HEBP2: variants seen among roughly 807,000 people sequenced by gnomAD.
The protein encoded by HEBP2 is heme binding protein 2, also known as heme-binding protein 2.
Under a neutral mutation model 23.1 loss-of-function variants are expected in HEBP2, and 27 were observed. That is an observed-to-expected ratio of 1.17 (90% CI 0.86 to 1.61). The LOEUF (loss-of-function observed/expected upper bound fraction) is 1.61, where lower values mean the gene tolerates loss of function less well. Ranked by LOEUF, HEBP2 falls within the 40% of genes most tolerant of loss-of-function variation. The pLI is 0.00. For synonymous variants in HEBP2, 99 were observed against 95.1 expected, an observed-to-expected ratio of 1.04 and a Z score of -0.24; for missense variants, 245 against 253.8, an observed-to-expected ratio of 0.97 and a Z score of 0.24.
upstream of HEBP2, chr6:138,404,138 C>T (rs1774586994): frequency 4.4e-6 from 1 of 228,320 alleles, no homozygotes; most frequent in Non-Finnish European, 8.4e-6. Context: ...CGCGGGGCCA[C>T]CTGTGTGTGC....
intron 3 of HEBP2, among the ~76,000 whole-genome samples, chr6:138,410,204 A>G (rs547109991): frequency 5.3e-5 from 8 of 152,312 alleles, no homozygotes; most frequent in Non-Finnish European, 1.2e-4. Flanking sequence ...GCATGTTACT[A>G]TGTCCATATA....
rs1774802988 is a variant in HEBP2 at position 138,414,206 on chromosome 6, A to G, written c.*1128A>G. On this transcript the variant is annotated 3_prime_UTR_variant, in exon 4 of 4. Transcript: ENST00000607197. ...GCCACGTTCAGTACCCAGAACAAAAAGCTGCACACACTGCTTGCTGAGCAA... is the reference window on the plus strand; with the variant it reads ...GCCACGTTCAGTACCCAGAACAAAAGGCTGCACACACTGCTTGCTGAGCAA... 6.6e-6 allele frequency: 1 copy of G among 152,280 alleles called. No homozygotes were observed. Among genetic ancestry groups the G allele is most frequent in the Non-Finnish European group, 1.5e-5 (1 of 68,100 alleles). The allele number at this position is 152,280 out of a possible 1,614,324, so 9.4% of individuals were successfully genotyped here. A position where few individuals can be genotyped will look rare whatever the true frequency, so the allele number is the denominator to read the frequency against.
rs967696485 is a variant in HEBP2, at chr6:138,419,430, T to G, written c.*6352T>G. The G allele has an allele frequency of 1.3e-5, 2 of 152,098 alleles. No individual in the cohort carries two copies. Among genetic ancestry groups the G allele is most frequent in the African/African-American group, 2.4e-5 (1 of 41,406 alleles). 9.4% of individuals were successfully genotyped at this position (152,098 alleles called of 1,614,324 possible). On this transcript the variant is annotated 3_prime_UTR_variant, in exon 4 of 4. Coordinates refer to ENST00000607197, the MANE Select transcript of HEBP2 (RefSeq NM_014320.3). ...CGGGCCTACAGGGTCCTGAACACAA[T>G]CTAAGGACTTACAAAACATCTGAAC... is the stretch of plus-strand genomic sequence containing the variant.
At position 138,413,289 on chromosome 6, in the gene HEBP2, C is replaced by G. The variant is rs922850156; in HGVS notation, c.*211C>G. 2.4e-5 allele frequency: 12 copies of G among 492,254 alleles called. No homozygotes were observed. The highest frequency in any genetic ancestry group is 2.3e-4 in the African/African-American group (12 of 51,678). 30.5% of individuals were successfully genotyped at this position (492,254 alleles called of 1,614,324 possible). A position where few individuals can be genotyped will look rare whatever the true frequency, so the allele number is the denominator to read the frequency against. ...GTAGTCTGTAAACATATAAATCGGT[C>G]ATAACTATCGTGGTCTTTATTTCTG... On this transcript the variant is annotated 3_prime_UTR_variant, in exon 4 of 4. Transcript: ENST00000607197.
At position 138,412,782 on chromosome 6, in the gene HEBP2, C is replaced by G. The variant is rs563246409; in HGVS notation, c.420-98C>G. 7 of 999,056 alleles carry G rather than the reference C, an allele frequency of 7.0e-6. No individual in the cohort carries two copies. In the South Asian group the frequency reaches 8.8e-5, roughly 13 times the overall value. The allele number at this position is 999,056 out of a possible 1,614,324, so 61.9% of individuals were successfully genotyped here. On this transcript the variant is annotated intron_variant, in intron 3 of 3. Coordinates refer to ENST00000607197, the MANE Select transcript of HEBP2 (RefSeq NM_014320.3). ...AGGGAGTAACTTTGGAGCTGCACTT[C>G]ACTCAGCATTCACGGTACTAGCGCC...
Position 138,405,190 on chromosome 6 carries a change from A to C in HEBP2, c.148A>C (p.Ser50Arg). The C allele has an allele frequency of 1.9e-6, 3 of 1,614,184 alleles. No homozygotes were observed. Among genetic ancestry groups the C allele is most frequent in the South Asian group, 2.2e-5 (2 of 91,074 alleles). Residue 50 changes from serine to arginine, a missense_variant, in exon 2 of 4, where the codon AGC (serine) becomes CGC (arginine). By Grantham distance (110) the Ser-to-Arg change is moderately radical. Coordinates refer to ENST00000607197, the MANE Select transcript of HEBP2 (RefSeq NM_014320.3). ...ACACTATGGACCAGCCAAGTGGGTC[A>C]GCACGTCCGTGGAGTCTATGGACTG... ...IRHYGPAKWV[S>R]TSVESMDWDS...
Position 138,404,583 on chromosome 6 carries a change from G to T in HEBP2, c.88G>T (p.Asp30Tyr). The T allele has an allele frequency of 7.7e-7, 1 of 1,298,130 alleles. No homozygotes were observed. Among genetic ancestry groups the T allele is most frequent in the African/African-American group, 1.5e-5 (1 of 64,748 alleles). The allele number at this position is 1,298,130 out of a possible 1,614,324, so 80.4% of individuals were successfully genotyped here. The change falls in exon 1 of 4, where the codon GAC becomes TAC. Residue 30 changes from aspartate (D) to tyrosine (Y), a missense_variant. By Grantham distance (160) the Asp-to-Tyr change is radical. Coordinates refer to ENST00000607197, the MANE Select transcript of HEBP2 (RefSeq NM_014320.3). ...GACGCCGGGCTGGAAGGCCCCGGAG[G>T]ACGCCGGCCCCCAGGTAGGCGCCGA... ...VETPGWKAPEDAGPQPGSYEI... is the reference protein window; with the variant it reads ...VETPGWKAPEYAGPQPGSYEI...
rs760317955 is a variant in HEBP2 at position 138,421,703 on chromosome 6, G to A, written c.*8625G>A. ...GTGCCATGTTTCAGGGATGAGTCTCGATTCTTCTCTCCCTGTATTTCATCC... is the reference window on the plus strand; with the variant it reads ...GTGCCATGTTTCAGGGATGAGTCTCAATTCTTCTCTCCCTGTATTTCATCC... On this transcript the variant is annotated 3_prime_UTR_variant, in exon 4 of 4. Coordinates refer to ENST00000607197, the MANE Select transcript of HEBP2 (RefSeq NM_014320.3). 2.6e-5 allele frequency: 4 copies of A among 152,114 alleles called. No homozygotes were observed. The South Asian group carries it at 6.2e-4, about 24-fold the overall frequency. 9.4% of individuals were successfully genotyped at this position (152,114 alleles called of 1,614,324 possible).
intron 3 of HEBP2, among the ~76,000 whole-genome samples, chr6:138,411,399 A>G (rs1045703581): frequency 7.9e-5 from 12 of 152,180 alleles, no homozygotes; most frequent in African/African-American, 2.7e-4. Flanking sequence ...TTTCAGCTCA[A>G]CATCCTTGGA....
chr6:138,412,896 T>C lies in HEBP2; in HGVS notation c.436T>C (p.Ser146Pro). ...TVFVRSFDGF[S>P]SAQKNQEQLL... The stretch of plus-strand genomic sequence containing the variant: ...CCTTTGTAGGTCTTTCGATGGATTT[T>C]CTAGTGCCCAAAAGAATCAAGAACA... Residue 146 changes from serine to proline, a missense_variant, in exon 4 of 4, where the codon TCT (serine) becomes CCT (proline). Ser to Pro is a moderately conservative substitution (Grantham distance 74). Transcript: ENST00000607197. The C allele has an allele frequency of 6.2e-7, 1 of 1,613,816 alleles. No individual in the cohort carries two copies. Among genetic ancestry groups the C allele is most frequent in the Non-Finnish European group, 8.5e-7 (1 of 1,179,752 alleles).
intron 1 of HEBP2, 53 bp from the exon 2 acceptor site, chr6:138,405,092 T>C (rs1720550908): frequency 6.3e-7 from 1 of 1,582,918 alleles, no homozygotes; most frequent in African/African-American, 1.4e-5. Flanking sequence ...TTTTTGCATC[T>C]CACTCCTACC....
At chr6:138,409,366 C>T (rs186984486) in intron 3 of HEBP2, among the ~76,000 whole-genome samples, 1 of 151,906 alleles carries the variant, frequency 6.6e-6, no homozygotes, top group East Asian at 1.9e-4. Context: ...CACAATGTTC[C>T]TGACAATTGA....
chr6:138,420,031 A>T lies in HEBP2; in HGVS notation c.*6953A>T, dbSNP rs1774894928. The T allele has an allele frequency of 6.6e-6, 1 of 152,240 alleles. No individual in the cohort carries two copies. The allele number at this position is 152,240 out of a possible 1,614,324, so 9.4% of individuals were successfully genotyped here. A position where few individuals can be genotyped will look rare whatever the true frequency, so the allele number is the denominator to read the frequency against. ...CCTGCTGTCAGAGGATAGTGGCGAG[A>T]GCAATGTGTGTGGAACTTAGCGGAC... On this transcript the variant is annotated 3_prime_UTR_variant, in exon 4 of 4. Transcript: ENST00000607197.
rs1203266275 is a variant in HEBP2 at position 138,419,752 on chromosome 6, C to G, written c.*6674C>G. 6.6e-6 allele frequency: 1 copy of G among 152,124 alleles called. No homozygotes were observed. The highest frequency in any genetic ancestry group is 2.4e-5 in the African/African-American group (1 of 41,406). The allele number at this position is 152,124 out of a possible 1,614,324, so 9.4% of individuals were successfully genotyped here. A position where few individuals can be genotyped will look rare whatever the true frequency, so the allele number is the denominator to read the frequency against. On this transcript the variant is annotated 3_prime_UTR_variant, in exon 4 of 4. Transcript: ENST00000607197. ...ACCAAGGAGTGGAGGCAGGAGTGACCCCACTTACCATCGCACCCAACGAAC... is the reference window on the plus strand; with the variant it reads ...ACCAAGGAGTGGAGGCAGGAGTGACGCCACTTACCATCGCACCCAACGAAC...
intron 3 of HEBP2, among the ~76,000 whole-genome samples, chr6:138,408,613 A>T (rs1774689952): frequency 6.6e-6 from 1 of 152,086 alleles, no homozygotes; most frequent in Non-Finnish European, 1.5e-5. Flanking sequence ...GTCCTCTCCC[A>T]CATGACCCTT....
intron 3 of HEBP2, among the ~76,000 whole-genome samples, chr6:138,406,993 T>C (rs758674292): frequency 3.3e-5 from 5 of 152,140 alleles, no homozygotes; most frequent in African/African-American, 4.8e-5. Flanking sequence ...ATTGCACCAA[T>C]GCACTCCAGC....
At position 138,419,304 on chromosome 6, in the gene HEBP2, CT is replaced by C. The variant is rs1774883136; in HGVS notation, c.*6228del. The C allele has an allele frequency of 6.6e-6, 1 of 152,234 alleles. No individual in the cohort carries two copies. The allele number at this position is 152,234 out of a possible 1,614,324, so 9.4% of individuals were successfully genotyped here. ...TGAGGCTGTGAAGACCAACTGGTCG[CT>C]TGATAGCAAATTCACTATGGTAGGC... is the stretch of plus-strand genomic sequence containing the variant. On this transcript the variant is annotated 3_prime_UTR_variant, in exon 4 of 4. Transcript: ENST00000607197.
chr6:138,414,873 A>G lies in HEBP2; in HGVS notation c.*1795A>G, dbSNP rs1016521141. On this transcript the variant is annotated 3_prime_UTR_variant, in exon 4 of 4. Coordinates refer to ENST00000607197, the MANE Select transcript of HEBP2 (RefSeq NM_014320.3). ...CAGAAGTTCAAGACGAGTCATGGCA[A>G]CCTAGTGAGACTGTCTGTCCAAAAA... 8 of 152,154 alleles carry G rather than the reference A, an allele frequency of 5.3e-5. No homozygotes were observed. The highest frequency in any genetic ancestry group is 1.9e-4 in the African/African-American group (8 of 41,414). 9.4% of individuals were successfully genotyped at this position (152,154 alleles called of 1,614,324 possible).
rs1316648493 is a variant in HEBP2 at position 138,413,048 on chromosome 6, A to G, written c.588A>G (p.Gln196=). Residue 196 remains glutamine (Q), a synonymous_variant, in exon 4 of 4, where the codon CAA becomes CAG. Coordinates refer to ENST00000607197, the MANE Select transcript of HEBP2 (RefSeq NM_014320.3). ...GAAATAATGAAGTGTGGTTGATTCAAAAAAATGAACCCACCAAAGAAAACG... is the reference window on the plus strand; with the variant it reads ...GAAATAATGAAGTGTGGTTGATTCAGAAAAATGAACCCACCAAAGAAAACG... ...LNRNNEVWLI[Q]KNEPTKENE 1.2e-6 allele frequency: 2 copies of G among 1,613,846 alleles called. No homozygotes were observed. Among genetic ancestry groups the G allele is most frequent in the South Asian group, 1.1e-5 (1 of 91,016 alleles).
Sources: allele counts gnomAD v4.1 joint callset (sites outside exome capture counted in the v4.1 genomes callset), GRCh38; gene constraint gnomAD v4.1.1; transcripts MANE v1.5; gene names NCBI Gene and HGNC (gene_info 2026-07-23, HGNC 2026-07-21).